Variants in MOGAT1 observed in about 807,000 individuals in gnomAD.
The protein encoded by MOGAT1 is 2-acylglycerol O-acyltransferase 1.
MOGAT1 carries 32 observed loss-of-function variants against 31.4 expected under a neutral mutation model. The observed-to-expected ratio is 1.02, with a 90% CI of 0.77 to 1.37. The LOEUF (loss-of-function observed/expected upper bound fraction) is 1.37. Among genes scored for constraint, MOGAT1 ranks in the 40% most tolerant of loss-of-function variants. The pLI, the probability that MOGAT1 is intolerant of heterozygous loss-of-function variation, is 0.00. For synonymous variants in MOGAT1, 145 were observed against 144.5 expected, an observed-to-expected ratio of 1.00 and a Z score of -0.03; for missense variants, 426 against 402.0, an observed-to-expected ratio of 1.06 and a Z score of -0.51.
rs1407196948 is a variant in MOGAT1 at position 222,690,581 on chromosome 2, A to G, written c.478+1112A>G. Among the ~76,000 whole-genome samples, 8 of 152,198 alleles carry G rather than the reference A, an allele frequency of 5.3e-5. No homozygotes were observed. The East Asian group carries it at 1.5e-3, about 29-fold the overall frequency. ...CAAAAAAGAAAGAAAGAAAAAAAAG[A>G]ATTGTTCATGGTCCTCTAGACTTTT... is the stretch of plus-strand genomic sequence containing the variant. On this transcript the variant is annotated intron_variant, in intron 3 of 5. Transcript: ENST00000446656.
intron 1 of MOGAT1, among the ~76,000 whole-genome samples, chr2:222,686,267 G>A (rs1041593963): frequency 9.9e-5 from 15 of 152,162 alleles, no homozygotes; most frequent in South Asian, 2.1e-4. Flanking sequence ...TCCTTTGGAC[G>A]CTCAAATTCC....
intron 3 of MOGAT1, among the ~76,000 whole-genome samples, chr2:222,690,454 A>G (rs6755552): frequency 0.39 from 59,241 of 151,834 alleles, 13,844 homozygotes; most frequent in African/African-American, 0.67. Flanking sequence ...CTACTCAGGA[A>G]GCTGAGGTGG....
At chr2:222,695,557 A>G (rs563295976) in intron 5 of MOGAT1, among the ~76,000 whole-genome samples, 4 of 152,362 alleles carry the variant, frequency 2.6e-5, no homozygotes, top group African/African-American at 9.6e-5. Flanking sequence ...CTAATACTCT[A>G]TAATGAATCT....
intron 5 of MOGAT1, chr2:222,698,572 A>G (rs1181346742): frequency 6.6e-6 from 1 of 152,214 alleles, no homozygotes; most frequent in African/African-American, 2.4e-5. Flanking sequence ...TAGCCCTTGC[A>G]CTGGCCTCAC....
At chr2:222,702,838 C>CAAAA (rs1395760654) in intron 5 of MOGAT1, among the ~76,000 whole-genome samples, 1 of 148,658 alleles carries the variant, frequency 6.7e-6, no homozygotes, top group African/African-American at 2.5e-5. Flanking sequence ...AAAAAAACCA[C>CAAAA]AAAAAACAAA....
At chr2:222,675,481 CT>C (rs66486955) in intron 1 of MOGAT1, among the ~76,000 whole-genome samples, 8,383 of 133,234 alleles carry the variant, frequency 0.063, 440 homozygotes, top group African/African-American at 0.17. Flanking sequence ...TTTTCTTTTT[CT>C]TTTTTTTTTT....
At chr2:222,677,851 TACTA>T (rs1692521885) in intron 1 of MOGAT1, 2 of 256,834 alleles carry the variant, frequency 7.8e-6, no homozygotes, top group Non-Finnish European at 1.6e-5. Flanking sequence ...TAAGTTGCCG[TACTA>T]ACTGTGTCCT....
intron 1 of MOGAT1, among the ~76,000 whole-genome samples, chr2:222,676,534 T>A (rs1201839671): frequency 6.6e-6 from 1 of 152,244 alleles, no homozygotes; most frequent in East Asian, 1.9e-4. Flanking sequence ...CTATTATGAA[T>A]AATACCACTG....
At chr2:222,692,703 C>T (rs1692780362) in intron 3 of MOGAT1, among the ~76,000 whole-genome samples, 1 of 152,096 alleles carries the variant, frequency 6.6e-6, no homozygotes, top group Admixed American at 6.6e-5. Context: ...GTAGTTGAAT[C>T]CATGGGTGTA....
intron 5 of MOGAT1, among the ~76,000 whole-genome samples, chr2:222,705,816 A>G (rs937954519): frequency 3.3e-5 from 5 of 152,172 alleles, no homozygotes; most frequent in African/African-American, 4.8e-5. Context: ...CAGGGCAGCT[A>G]TATTGGAACT....
At chr2:222,675,633 C>T (rs762259001) in intron 1 of MOGAT1, among the ~76,000 whole-genome samples, 5 of 152,142 alleles carry the variant, frequency 3.3e-5, no homozygotes, top group Middle Eastern at 3.4e-3. Context: ...GCGCCCACCA[C>T]CACGCCCGGC....
At chr2:222,689,037 A>G (rs1192724262) in intron 2 of MOGAT1, among the ~76,000 whole-genome samples, 1 of 152,210 alleles carries the variant, frequency 6.6e-6, no homozygotes, top group Non-Finnish European at 1.5e-5. Flanking sequence ...TTTGGTTCCA[A>G]TTACTAAATG....
chr2:222,703,605 A>G (rs1436640629), intron 5 of MOGAT1, among the ~76,000 whole-genome samples: 1 of 152,130 alleles, frequency 6.6e-6, no homozygotes, highest in African/African-American at 2.4e-5. Flanking sequence ...GACATTGGGC[A>G]TCTTTTGAGC....
intron 1 of MOGAT1, among the ~76,000 whole-genome samples, chr2:222,675,403 T>C (rs1692480287): frequency 6.6e-6 from 1 of 152,198 alleles, no homozygotes; most frequent in Non-Finnish European, 1.5e-5. Flanking sequence ...CTGCAATCTT[T>C]CATCTAGTGA....
At chr2:222,682,426 ATTATTT>A in intron 1 of MOGAT1, among the ~76,000 whole-genome samples, 1 of 152,290 alleles carries the variant, frequency 6.6e-6, no homozygotes, top group South Asian at 2.1e-4. Flanking sequence ...TACAAGGTTG[ATTATTT>A]TTAAACAGCC....
chr2:222,678,695 C>T (rs549294982), intron 1 of MOGAT1, among the ~76,000 whole-genome samples: 12 of 152,270 alleles, frequency 7.9e-5, no homozygotes, highest in Non-Finnish European at 1.8e-4. Flanking sequence ...AATCCCAGCA[C>T]TTTGAGAGGC....
intron 5 of MOGAT1, among the ~76,000 whole-genome samples, chr2:222,705,331 A>C (rs1319299163): frequency 6.6e-6 from 1 of 152,124 alleles, no homozygotes; most frequent in Non-Finnish European, 1.5e-5. Flanking sequence ...TGCCTTAACC[A>C]TCTGGGAATG....
chr2:222,681,990 G>A (rs572013167), intron 1 of MOGAT1, among the ~76,000 whole-genome samples: 1 of 152,284 alleles, frequency 6.6e-6, no homozygotes, highest in East Asian at 1.9e-4. Flanking sequence ...ACAAATGTTT[G>A]TTACGAGGGT....
intron 2 of MOGAT1, 29 bp from the exon 3 acceptor site, chr2:222,689,236 T>A (rs1452467128): frequency 1.3e-6 from 2 of 1,535,400 alleles, no homozygotes; most frequent in Non-Finnish European, 1.8e-6. Context: ...GTTTCTTTTT[T>A]TTAAAATCTC....
Sources: allele counts gnomAD v4.1 joint callset (sites outside exome capture counted in the v4.1 genomes callset), GRCh38; gene constraint gnomAD v4.1.1; transcripts MANE v1.5; gene names NCBI Gene and HGNC (gene_info 2026-07-23, HGNC 2026-07-21).